The following PNPLA8 variants were observed in gnomAD, a reference collection of about 807,000 sequenced individuals.
The protein encoded by PNPLA8 is patatin like domain 8, phospholipase A2.
In PNPLA8, 39 loss-of-function variants were observed where a neutral mutation model predicts 76.9. That is an observed-to-expected ratio of 0.51 (90% CI 0.39 to 0.66). PNPLA8 has a LOEUF of 0.66. Ranked by LOEUF, PNPLA8 falls within the 30% of genes least tolerant of loss-of-function variation. The probability of loss-of-function intolerance (pLI) is 0.00; values close to 1 mark genes in which losing one functional copy is unlikely to be tolerated. For synonymous variants in PNPLA8, 301 were observed against 307.9 expected, an observed-to-expected ratio of 0.98 and a Z score of 0.24; for missense variants, 887 against 918.0, an observed-to-expected ratio of 0.97 and a Z score of 0.44.
intron 4 of PNPLA8, among the ~76,000 whole-genome samples, chr7:108,513,526 A>C (rs1282378256): frequency 6.6e-6 from 1 of 152,072 alleles, no homozygotes; most frequent in African/African-American, 2.4e-5. Context: ...TGATATTTTC[A>C]AATTTTTCAT....
intron 4 of PNPLA8, among the ~76,000 whole-genome samples, chr7:108,509,071 C>A (rs1364928459): frequency 8.7e-6 from 1 of 115,536 alleles, no homozygotes. Flanking sequence ...ACCATAAAAA[C>A]CCTAGAAGAA....
intron 2 of PNPLA8, among the ~76,000 whole-genome samples, chr7:108,516,431 C>G (rs767565987): frequency 6.6e-6 from 1 of 152,058 alleles, no homozygotes; most frequent in South Asian, 2.1e-4. Context: ...AGACTTTATA[C>G]CTATCAAAAA....
chr7:108,512,833 G>A (rs1194500188), intron 4 of PNPLA8, among the ~76,000 whole-genome samples: 1 of 152,060 alleles, frequency 6.6e-6, no homozygotes, highest in African/African-American at 2.4e-5. Flanking sequence ...GTATTGAAAG[G>A]TCCTTAGATT....
At chr7:108,476,467 T>C (rs949620275) in intron 10 of PNPLA8, among the ~76,000 whole-genome samples, 1 of 152,170 alleles carries the variant, frequency 6.6e-6, no homozygotes, top group Admixed American at 6.5e-5. Context: ...GGATGGCTGT[T>C]ATAAAAAAGA....
rs146625662 is a variant in PNPLA8, at chr7:108,514,160, T to C, written c.1190A>G (p.Lys397Arg). 1.2e-6 allele frequency: 2 copies of C among 1,605,654 alleles called. No homozygotes were observed. Among genetic ancestry groups the C allele is most frequent in the Non-Finnish European group, 1.7e-6 (2 of 1,174,388 alleles). ...TFHLLEFPEG[K>R]GVAVKERIIP... ...AGAAATTACCTTGACAGCCACTCCTTTTCCTTCAGGAAATTCTAGAAGATG... is the reference window on the plus strand; with the variant it reads ...AGAAATTACCTTGACAGCCACTCCTCTTCCTTCAGGAAATTCTAGAAGATG... Residue 397 changes from lysine (K) to arginine (R), a missense_variant, in exon 4 of 11, where the codon AAA becomes AGA. Physicochemically the swap from Lys to Arg is conservative, Grantham distance 26 (BLOSUM62 2). Coordinates refer to ENST00000257694, the MANE Select transcript of PNPLA8 (RefSeq NM_001256007.3).
Position 108,472,498 on chromosome 7 carries a change from A to G in PNPLA8, c.2252T>C (p.Ile751Thr). 2 of 1,609,654 alleles carry G rather than the reference A, an allele frequency of 1.2e-6. No homozygotes were observed. Among genetic ancestry groups the G allele is most frequent in the South Asian group, 1.1e-5 (1 of 89,758 alleles). Residue 751 changes from isoleucine (I) to threonine (T), a missense_variant, in exon 11 of 11, where the codon ATA becomes ACA. Transcript: ENST00000257694. Reference protein sequence around the residue: ...NEQKMKKVAKILSQEKTTLQK... With the variant: ...NEQKMKKVAKTLSQEKTTLQK... ...CAGAGTTGTTTTTTCTTGACTTAATATTTTTGCAACTTTTTTCATTTTTTG... is the reference window on the plus strand; with the variant it reads ...CAGAGTTGTTTTTTCTTGACTTAATGTTTTTGCAACTTTTTTCATTTTTTG...
chr7:108,525,308 G>T (rs928830143), intron 1 of PNPLA8, among the ~76,000 whole-genome samples: 2 of 152,200 alleles, frequency 1.3e-5, no homozygotes, highest in Non-Finnish European at 2.9e-5. Context: ...AATTAGGACT[G>T]CAGAACCAGG....
In PNPLA8 at chr7:108,484,940, T is replaced by C. The variant is rs144111679; in HGVS notation, c.1878+2819A>G. Reference sequence around the variant, plus strand: ...GAAAATTATTAATTGTGGTTTGGTATAGGCATAATTTGGCAGGTGTTGGGG... The same window carrying C: ...GAAAATTATTAATTGTGGTTTGGTACAGGCATAATTTGGCAGGTGTTGGGG... On this transcript the variant is annotated intron_variant, in intron 9 of 10. Coordinates refer to ENST00000257694, the MANE Select transcript of PNPLA8 (RefSeq NM_001256007.3). Among the ~76,000 whole-genome samples, 18 of 152,338 alleles carry C rather than the reference T, an allele frequency of 1.2e-4. No homozygotes were observed. The East Asian group carries it at 3.3e-3, about 28-fold the overall frequency.
intron 1 of PNPLA8, among the ~76,000 whole-genome samples, chr7:108,522,631 G>C (rs1051447665): frequency 6.6e-6 from 1 of 152,114 alleles, no homozygotes; most frequent in Non-Finnish European, 1.5e-5. Context: ...GCTGTGTCAC[G>C]GGTGCGTCCT....
At chr7:108,527,195 G>A (rs1187277940), upstream of PNPLA8, among the ~76,000 whole-genome samples, 2 of 152,168 alleles carry the variant, frequency 1.3e-5, no homozygotes, top group Non-Finnish European at 2.9e-5. Flanking sequence ...CCCCCTGTAA[G>A]GTTATTGTAA....
intron 10 of PNPLA8, among the ~76,000 whole-genome samples, chr7:108,472,985 A>T (rs1156709197): frequency 4.6e-5 from 7 of 152,088 alleles, no homozygotes; most frequent in African/African-American, 1.7e-4. Flanking sequence ...TTTGGGATCA[A>T]CTTCATTGAC....
chr7:108,505,489 A>G (rs1951811601), intron 4 of PNPLA8, among the ~76,000 whole-genome samples: 1 of 146,380 alleles, frequency 6.8e-6, no homozygotes, highest in Admixed American at 6.9e-5. Context: ...CAGCCTCCCA[A>G]GTAGCTGGAA....
At chr7:108,475,602 T>C (rs985893811) in intron 10 of PNPLA8, among the ~76,000 whole-genome samples, 3 of 152,110 alleles carry the variant, frequency 2.0e-5, no homozygotes, top group Non-Finnish European at 4.4e-5. Context: ...CTCAGTAATG[T>C]TTTATAGTTT....
chr7:108,524,013 A>T (rs1757935917), intron 1 of PNPLA8, among the ~76,000 whole-genome samples: 1 of 152,238 alleles, frequency 6.6e-6, no homozygotes, highest in African/African-American at 2.4e-5. Flanking sequence ...GGACAATTTA[A>T]TAGGAGAGAA....
chr7:108,509,726 A>G (rs1209742503), intron 4 of PNPLA8, among the ~76,000 whole-genome samples: 2 of 151,214 alleles, frequency 1.3e-5, no homozygotes, highest in African/African-American at 4.9e-5. Flanking sequence ...ACACATGCAC[A>G]CGTATGTTTA....
intron 4 of PNPLA8, chr7:108,511,107 T>C: frequency 1.6e-6 from 1 of 637,144 alleles, no homozygotes; most frequent in Non-Finnish European, 2.6e-6. Flanking sequence ...CTCTTTCCTT[T>C]CCTGTAAAAT....
intron 8 of PNPLA8, among the ~76,000 whole-genome samples, chr7:108,490,799 C>A (rs1273459694): frequency 6.7e-6 from 1 of 149,834 alleles, no homozygotes; most frequent in African/African-American, 2.4e-5. Context: ...AAAAAAAAAA[C>A]TAGGGTAAAA....
chr7:108,493,568 C>CTTTTTTTTTTTTTTTTTTTTTTTTTTT (rs34935118), intron 7 of PNPLA8, among the ~76,000 whole-genome samples: 1 of 81,210 alleles, frequency 1.2e-5, no homozygotes, highest in Non-Finnish European at 2.3e-5. Context: ...CCATGCCTGG[C>CTTTTTTTTTTTTTTTTTTTTTTTTTTT]TTTTTTTTTT....
intron 10 of PNPLA8, among the ~76,000 whole-genome samples, chr7:108,473,440 A>G (rs1859763734): frequency 6.6e-6 from 1 of 152,172 alleles, no homozygotes; most frequent in Non-Finnish European, 1.5e-5. Flanking sequence ...TAGGAATAAA[A>G]TTGCTGGTTC....
Sources: allele counts gnomAD v4.1 joint callset (sites outside exome capture counted in the v4.1 genomes callset), GRCh38; gene constraint gnomAD v4.1.1; transcripts MANE v1.5; gene names NCBI Gene and HGNC (gene_info 2026-07-23, HGNC 2026-07-21).